Variants in USP30 observed in about 807,000 individuals in gnomAD.
The protein encoded by USP30 is ubiquitin carboxyl-terminal hydrolase 30.
In USP30, 41 loss-of-function variants were observed where a neutral mutation model predicts 68.2. The observed-to-expected ratio is 0.60, with a 90% confidence interval of 0.47 to 0.78. The LOEUF (loss-of-function observed/expected upper bound fraction) is 0.78, where lower values mean the gene tolerates loss of function less well. USP30 is among the 30% of genes least tolerant of loss of function. USP30 has a pLI of 0.00. For synonymous variants in USP30, 229 were observed against 253.7 expected, an observed-to-expected ratio of 0.90 and a Z score of 0.93; for missense variants, 522 against 649.4, an observed-to-expected ratio of 0.80 and a Z score of 2.13.
At chr12:109,082,093 C>T (rs2041821305) in intron 9 of USP30, 74 bp downstream of exon 9, 2 of 1,490,140 alleles carry the variant, frequency 1.3e-6, no homozygotes, top group African/African-American at 1.4e-5. Context: ...CACCAGTGAC[C>T]CTGAGCTCTT....
In USP30 at chr12:109,085,835, G is replaced by A. The variant is rs1449955070; in HGVS notation, c.1458G>A (p.Leu486=). The stretch of plus-strand genomic sequence containing the variant: ...ATGACACTGTCCGCAAGGCCAGCCT[G>A]CAGGAGGTCCTGTCCTCCAGCGCCT... ...VSDDTVRKAS[L]QEVLSSSAYL... is the part of the protein sequence containing the mutation. The change falls in exon 13 of 13, where the codon CTG becomes CTA. Residue 486 remains leucine, a synonymous_variant. Coordinates refer to ENST00000257548, the MANE Select transcript of USP30 (RefSeq NM_032663.5). 1 of 1,614,242 alleles carries A rather than the reference G, an allele frequency of 6.2e-7. No homozygotes were observed. The highest frequency in any genetic ancestry group is 1.1e-5 in the South Asian group (1 of 91,088).
At chr12:109,041,851 C>T (rs2040567480) in intron 3 of USP30, among the ~76,000 whole-genome samples, 1 of 151,912 alleles carries the variant, frequency 6.6e-6, no homozygotes. Context: ...TAGGATCCCT[C>T]TGTCAATTGA....
Position 109,081,385 on chromosome 12 carries a change from G to A in USP30, c.772G>A (p.Ala258Thr), listed in dbSNP as rs542871437. ...FDSLSLSIPA[A>T]TWGHPLTLDH... The stretch of plus-strand genomic sequence containing the variant: ...TAGCCTTTCACTAAGTATTCCAGCC[G>A]CCACATGGGTATGTACTGATTTATG... Residue 258 changes from alanine to threonine, a missense_variant, in exon 8 of 13, where the codon GCC becomes ACC. Transcript: ENST00000257548. 12 of 1,613,828 alleles carry A rather than the reference G, an allele frequency of 7.4e-6. No individual in the cohort carries two copies. The highest frequency in any genetic ancestry group is 1.3e-5 in the African/African-American group (1 of 74,876).
rs548660519 is a variant in USP30 at position 109,058,624 on chromosome 12, T to C, written c.376+516T>C. 3.3e-5 allele frequency among the ~76,000 whole-genome samples: 5 copies of C among 151,306 alleles called. No homozygotes were observed. In the South Asian group the frequency reaches 1.0e-3, roughly 32 times the overall value. On this transcript the variant is annotated intron_variant, in intron 3 of 12. Coordinates refer to ENST00000257548, the MANE Select transcript of USP30 (RefSeq NM_032663.5). ...ACCATTTATTTTTTAAATTGTCAAG[T>C]TAATAACAGCTTTTTAAGGAAGGAA...
At position 109,067,562 on chromosome 12, in the gene USP30, G is replaced by A. The variant is rs751025816; in HGVS notation, c.415G>A (p.Asp139Asn). 1.2e-6 allele frequency: 2 copies of A among 1,614,158 alleles called. No individual in the cohort carries two copies. Among genetic ancestry groups the A allele is most frequent in the South Asian group, 2.2e-5 (2 of 91,082 alleles). Reference protein sequence around the residue: ...CQEVTDDEVLDASCLLDVLRM... With the variant: ...CQEVTDDEVLNASCLLDVLRM... Reference sequence around the variant, plus strand: ...AGAAGTTACTGATGATGAGGTCTTAGATGCAAGCTGCTTGTTGGATGTCTT... The same window carrying A: ...AGAAGTTACTGATGATGAGGTCTTAAATGCAAGCTGCTTGTTGGATGTCTT... Residue 139 changes from aspartate (D) to asparagine (N), a missense_variant, in exon 4 of 13, where the codon GAT becomes AAT. By Grantham distance (23) the Asp-to-Asn change is conservative (BLOSUM62 1). Coordinates refer to ENST00000257548, the MANE Select transcript of USP30 (RefSeq NM_032663.5).
chr12:109,076,267 T>C (rs550372748), intron 7 of USP30, among the ~76,000 whole-genome samples: 1 of 152,318 alleles, frequency 6.6e-6, no homozygotes, highest in African/African-American at 2.4e-5. Flanking sequence ...TATCTTGAGA[T>C]TTTTGTAAAC....
chr12:109,028,065 A>G (rs1233532184), intron 3 of USP30, among the ~76,000 whole-genome samples: 1 of 152,202 alleles, frequency 6.6e-6, no homozygotes, highest in Non-Finnish European at 1.5e-5. Context: ...TGTTGATAAT[A>G]GCCATCCCAG....
intron 5 of USP30, among the ~76,000 whole-genome samples, 181 bp from the exon 6 acceptor site, chr12:109,072,124 A>G (rs1442965089): frequency 6.6e-6 from 1 of 152,184 alleles, no homozygotes; most frequent in East Asian, 1.9e-4. Flanking sequence ...ATGAAAGAAT[A>G]TTCATAGTAT....
chr12:109,060,971 G>C (rs1262879514), intron 3 of USP30, among the ~76,000 whole-genome samples: 1 of 152,018 alleles, frequency 6.6e-6, no homozygotes, highest in Non-Finnish European at 1.5e-5. Flanking sequence ...AAAAAATAGA[G>C]ATGGGGTCTT....
chr12:109,068,157 C>T (rs2041319200), intron 4 of USP30, among the ~76,000 whole-genome samples: 1 of 152,212 alleles, frequency 6.6e-6, no homozygotes, highest in Non-Finnish European at 1.5e-5. Context: ...GGCCACCCTC[C>T]TCCCCGCCAG....
intron 3 of USP30, among the ~76,000 whole-genome samples, chr12:109,062,166 C>T (rs186091223): frequency 2.1e-4 from 32 of 152,110 alleles, no homozygotes; most frequent in Non-Finnish European, 3.7e-4. Flanking sequence ...AACTCCTGGG[C>T]TCAGGTGATC....
At chr12:109,079,815 G>A (rs1326151919) in intron 7 of USP30, among the ~76,000 whole-genome samples, 2 of 152,184 alleles carry the variant, frequency 1.3e-5, no homozygotes, top group Admixed American at 1.3e-4. Context: ...CACTGTCACT[G>A]TATATTTTCC....
Position 109,081,626 on chromosome 12 carries a change from C to CGT in USP30, c.780+233_780+234insGT, listed in dbSNP as rs2041803167. On this transcript the variant is annotated intron_variant, in intron 8 of 12. Transcript: ENST00000257548. ...GAATACACACGCACGCATGCGCGCA[C>CGT]ACACACACACACACACACACACACA... 9.1e-5 allele frequency: 10 copies of CGT among 110,022 alleles called. No individual in the cohort carries two copies. The African/African-American group carries it at 1.2e-3, about 13-fold the overall frequency. 6.8% of individuals were successfully genotyped at this position (110,022 alleles called of 1,614,324 possible).
intron 4 of USP30, among the ~76,000 whole-genome samples, chr12:109,067,989 C>G (rs2041313639): frequency 1.3e-5 from 2 of 152,172 alleles, no homozygotes; most frequent in African/African-American, 4.8e-5. Context: ...TAAGATTTTT[C>G]TGGACCACAC....
At chr12:109,052,796 C>A in intron 1 of USP30, 35 bp downstream of exon 1, 1 of 1,427,008 alleles carries the variant, frequency 7.0e-7, no homozygotes, top group South Asian at 1.5e-5. Context: ...CCGAAGAGGC[C>A]GGGACCAGGG....
chr12:109,048,982 G>C (rs58287875), upstream of USP30, among the ~76,000 whole-genome samples: 1,886 of 152,118 alleles, frequency 0.012, 33 homozygotes, highest in African/African-American at 0.043. Context: ...AGGCATGTCT[G>C]ACCTCTCATC....
intron 7 of USP30, among the ~76,000 whole-genome samples, chr12:109,079,367 T>TC (rs2041728120): frequency 8.0e-6 from 1 of 124,288 alleles, no homozygotes; most frequent in Non-Finnish European, 1.7e-5. Context: ...TTTTTTTTTT[T>TC]TTTTTTTTTT....
chr12:109,081,460 G>A, intron 8 of USP30, 67 bp downstream of exon 8: 1 of 1,542,656 alleles, frequency 6.5e-7, no homozygotes, highest in Non-Finnish European at 8.9e-7. Flanking sequence ...AGGGCTTTGA[G>A]GCATTTTATG....
chr12:109,071,604 T>C lies in USP30; in HGVS notation c.481-8T>C, dbSNP rs1397163495. On this transcript the variant is annotated splice_polypyrimidine_tract_variant and splice_region_variant and intron_variant, in intron 4 of 12. Coordinates refer to ENST00000257548, the MANE Select transcript of USP30 (RefSeq NM_032663.5). ...AACCTCTCTAAAGAATGCTTTGCCC[T>C]ATGACAGGATGCTCACGAATTATTC... 6.2e-7 allele frequency: 1 copy of C among 1,613,636 alleles called. No individual in the cohort carries two copies. The highest frequency in any genetic ancestry group is 2.2e-5 in the East Asian group (1 of 44,880).
Sources: allele counts gnomAD v4.1 joint callset (sites outside exome capture counted in the v4.1 genomes callset), GRCh38; gene constraint gnomAD v4.1.1; transcripts MANE v1.5; gene names NCBI Gene and HGNC (gene_info 2026-07-23, HGNC 2026-07-21).